The following NEK7 variants were observed in gnomAD, a reference collection of about 807,000 sequenced individuals.
NEK7 encodes the protein serine/threonine-protein kinase Nek7.
NEK7 carries 18 observed loss-of-function variants against 44.6 expected under a neutral mutation model. The ratio of observed to expected loss-of-function variants is 0.40; its 90% CI spans 0.28 to 0.60. The LOEUF (loss-of-function observed/expected upper bound fraction) is 0.60, where lower values mean the gene tolerates loss of function less well. NEK7 is among the 20% of genes least tolerant of loss of function. NEK7 has a pLI of 0.38. For missense variants in NEK7, 256 were observed against 366.5 expected (o/e 0.70, Z 2.46); for synonymous variants, 130 against 121.1 (o/e 1.07, Z -0.48).
chr1:198,295,829 ATT>A (rs1016762693), intron 8 of NEK7, among the ~76,000 whole-genome samples: 5 of 150,348 alleles, frequency 3.3e-5, no homozygotes, highest in African/African-American at 4.9e-5. Context: ...TATTATTATT[ATT>A]ATTATTATTG....
intron 7 of NEK7, among the ~76,000 whole-genome samples, chr1:198,281,430 A>G (rs960819188): frequency 3.3e-5 from 5 of 152,006 alleles, no homozygotes; most frequent in Non-Finnish European, 5.9e-5. Context: ...GATACAATCT[A>G]TAGGTCATGA....
At chr1:198,276,095 A>G (rs2102977132) in intron 5 of NEK7, among the ~76,000 whole-genome samples, 1 of 151,756 alleles carries the variant, frequency 6.6e-6, no homozygotes, top group Non-Finnish European at 1.5e-5. Flanking sequence ...CTTGTAAGTT[A>G]CAGTCTCAAA....
chr1:198,257,828 TA>T (rs895750130), intron 3 of NEK7, among the ~76,000 whole-genome samples: 1 of 152,190 alleles, frequency 6.6e-6, no homozygotes, highest in African/African-American at 2.4e-5. Context: ...TTTCCAGTTT[TA>T]TGGATTGTTT....
intron 1 of NEK7, among the ~76,000 whole-genome samples, chr1:198,157,974 G>A (rs1663966068): frequency 6.6e-6 from 1 of 152,208 alleles, no homozygotes; most frequent in Non-Finnish European, 1.5e-5. Context: ...AGAGAAAAGT[G>A]ACAAGACCGT....
intron 1 of NEK7, among the ~76,000 whole-genome samples, chr1:198,231,301 G>GTGTATATATA (rs1429354895): frequency 2.3e-5 from 2 of 86,978 alleles, no homozygotes; most frequent in African/African-American, 1.0e-4. Context: ...ATGTGTGTGT[G>GTGTATATATA]TATATATATA....
chr1:198,279,734 AC>A (rs1654136538), intron 7 of NEK7, among the ~76,000 whole-genome samples: 1 of 151,922 alleles, frequency 6.6e-6, no homozygotes, highest in East Asian at 1.9e-4. Context: ...TGAAATAAAA[AC>A]CTTTTAAATG....
intron 2 of NEK7, among the ~76,000 whole-genome samples, chr1:198,247,023 C>G (rs904387743): frequency 6.6e-6 from 1 of 152,140 alleles, no homozygotes; most frequent in Non-Finnish European, 1.5e-5. Context: ...TAAAAAATTG[C>G]CAAATATCCA....
chr1:198,242,780 G>C (rs1666725630), intron 2 of NEK7, among the ~76,000 whole-genome samples: 1 of 146,278 alleles, frequency 6.8e-6, no homozygotes. Flanking sequence ...CTCACTTTTT[G>C]TATTTTATTT....
At chr1:198,221,349 A>G (rs1170124977) in intron 1 of NEK7, among the ~76,000 whole-genome samples, 1 of 151,822 alleles carries the variant, frequency 6.6e-6, no homozygotes, top group East Asian at 1.9e-4. Flanking sequence ...TATGAGATTG[A>G]CCAGTCTTTA....
intron 1 of NEK7, among the ~76,000 whole-genome samples, chr1:198,227,972 G>C (rs960756247): frequency 2.6e-5 from 4 of 152,058 alleles, no homozygotes; most frequent in African/African-American, 9.7e-5. Context: ...GTATTGCCTA[G>C]GTTTTCTTCT....
At chr1:198,316,996 A>C (rs962143929) in intron 9 of NEK7, among the ~76,000 whole-genome samples, 1 of 152,214 alleles carries the variant, frequency 6.6e-6, no homozygotes. Context: ...GCTGGAGTGG[A>C]TAAGTGGGAG....
chr1:198,258,543 T>G (rs935118251), intron 3 of NEK7, among the ~76,000 whole-genome samples: 50 of 152,234 alleles, frequency 3.3e-4, no homozygotes, highest in African/African-American at 1.2e-3. Context: ...ATATGCCTTT[T>G]TAAGGGGATA....
intron 9 of NEK7, among the ~76,000 whole-genome samples, chr1:198,297,529 A>G (rs1654748692): frequency 1.3e-5 from 2 of 152,242 alleles, no homozygotes. Context: ...TGCAAAGGGC[A>G]GAATTAATGC....
intron 1 of NEK7, among the ~76,000 whole-genome samples, chr1:198,183,535 A>G (rs1664827127): frequency 6.6e-6 from 1 of 152,192 alleles, no homozygotes. Flanking sequence ...TCTAAATATT[A>G]TACTTTGAAA....
chr1:198,311,278 A>G (rs1463931757), intron 9 of NEK7, among the ~76,000 whole-genome samples: 2 of 108,166 alleles, frequency 1.8e-5, no homozygotes, highest in Non-Finnish European at 3.3e-5. Context: ...TGATTTTTGT[A>G]CATTGATTTT....
intron 1 of NEK7, among the ~76,000 whole-genome samples, chr1:198,200,194 C>A (rs1665384140): frequency 6.6e-6 from 1 of 152,094 alleles, no homozygotes; most frequent in Non-Finnish European, 1.5e-5. Flanking sequence ...TTTCAGATTT[C>A]TGAGAAATTC....
At chr1:198,250,973 A>G (rs1652936307) in intron 2 of NEK7, among the ~76,000 whole-genome samples, 1 of 152,104 alleles carries the variant, frequency 6.6e-6, no homozygotes, top group African/African-American at 2.4e-5. Flanking sequence ...TTCAAAGGGA[A>G]TGCTTCCAGT....
At chr1:198,208,085 C>T (rs1665651236) in intron 1 of NEK7, among the ~76,000 whole-genome samples, 2 of 152,146 alleles carry the variant, frequency 1.3e-5, no homozygotes, top group Admixed American at 6.5e-5. Flanking sequence ...GCCCTGTTGC[C>T]ATGCTCTTCA....
At chr1:198,183,616 C>G (rs1236999141) in intron 1 of NEK7, among the ~76,000 whole-genome samples, 5 of 152,206 alleles carry the variant, frequency 3.3e-5, no homozygotes, top group African/African-American at 1.2e-4. Context: ...TCAGTTGATA[C>G]AACAAATGTT....
Sources: gnomAD v4.1 joint callset for allele counts (sites outside exome capture counted in the v4.1 genomes callset) on GRCh38, gnomAD v4.1.1 for gene constraint, MANE v1.5 for transcripts, NCBI Gene and HGNC (gene_info 2026-07-23, HGNC 2026-07-21) for gene names.